CUX1: variants seen among roughly 807,000 people sequenced by gnomAD.
CUX1 encodes the protein cut like homeobox 1, also known as protein CASP.
Under a neutral mutation model 158.8 loss-of-function variants are expected in CUX1, and 31 were observed. That is an observed-to-expected ratio of 0.20 (90% confidence interval 0.15 to 0.26). The LOEUF (loss-of-function observed/expected upper bound fraction) is 0.26, where lower values mean the gene tolerates loss of function less well. Ranked by LOEUF, CUX1 falls within the 10% of genes least tolerant of loss-of-function variation. CUX1 has a pLI of 1.00. For missense variants in CUX1, 1,589 were observed against 2,014.6 expected (o/e 0.79, Z 4.04); for synonymous variants, 879 against 862.1 (o/e 1.02, Z -0.34).
At chr7:102,115,460 C>A in intron 8 of CUX1, 187 bp downstream of exon 8, 1 of 503,582 alleles carries the variant, frequency 2.0e-6, no homozygotes, top group Non-Finnish European at 3.4e-6. Context: ...CAACAAACTT[C>A]TTTCCTTCTT....
intron 8 of CUX1, among the ~76,000 whole-genome samples, chr7:102,157,413 TG>T (rs1220594054): frequency 6.6e-6 from 1 of 151,990 alleles, no homozygotes; most frequent in Non-Finnish European, 1.5e-5. Flanking sequence ...TTGCAGACAT[TG>T]GGGTGGTGGT....
rs1790076640 is a variant in CUX1 at position 102,257,897 on chromosome 7, T to TC, written c.*8856dup. On this transcript the variant is annotated 3_prime_UTR_variant, in exon 24 of 24. Transcript: ENST00000292535. ...AGAAAAAAGGAAAAAAAAAAAGTCG[T>TC]CTTTTTTTTTTTTTTTTGTACAAAT... The TC allele has an allele frequency of 1.0e-6, 1 of 975,500 alleles. No individual in the cohort carries two copies. Among genetic ancestry groups the TC allele is most frequent in the South Asian group, 4.7e-5 (1 of 21,108 alleles). 60.4% of individuals were successfully genotyped at this position (975,500 alleles called of 1,614,324 possible). A position where few individuals can be genotyped will look rare whatever the true frequency, so the allele number is the denominator to read the frequency against.
intron 1 of CUX1, among the ~76,000 whole-genome samples, chr7:101,890,351 A>G (rs1175906101): frequency 1.3e-5 from 2 of 152,036 alleles, no homozygotes; most frequent in Admixed American, 1.3e-4. Flanking sequence ...AGGTGCTAAA[A>G]TCCCCAACCA....
intron 3 of CUX1, among the ~76,000 whole-genome samples, chr7:102,050,692 T>TATC (rs1219485146): frequency 1.3e-5 from 2 of 150,692 alleles, no homozygotes; most frequent in Non-Finnish European, 3.0e-5. Flanking sequence ...TTTTTATTAT[T>TATC]ATTATTATTA....
At chr7:102,024,843 T>C (rs947367717) in intron 2 of CUX1, among the ~76,000 whole-genome samples, 1 of 152,152 alleles carries the variant, frequency 6.6e-6, no homozygotes, top group Non-Finnish European at 1.5e-5. Flanking sequence ...TGAAATGCGG[T>C]GATGTGTTAG....
chr7:101,933,650 T>C (rs1387642163), intron 2 of CUX1, among the ~76,000 whole-genome samples: 3 of 152,234 alleles, frequency 2.0e-5, no homozygotes, highest in Admixed American at 6.5e-5. Context: ...ATTTCTGTTT[T>C]AGTAGGTTTT....
chr7:102,200,400 T>G (rs1554519318), intron 17 of CUX1, among the ~76,000 whole-genome samples: 1 of 152,182 alleles, frequency 6.6e-6, no homozygotes. Context: ...TGGAGTGCAG[T>G]GGCACGATCT....
Position 102,256,149 on chromosome 7 carries a change from C to A in CUX1, c.*7107C>A, listed in dbSNP as rs990517284. ...GCTCTGGCCGGAGCCGCTGGCCTGA[C>A]GAGGCAGGATAGGGAGTATCCGTGA... On this transcript the variant is annotated 3_prime_UTR_variant, in exon 24 of 24. Coordinates refer to ENST00000292535, the MANE Select transcript of CUX1 (RefSeq NM_181552.4). 3 of 985,372 alleles carry A rather than the reference C, an allele frequency of 3.0e-6. No homozygotes were observed. The highest frequency in any genetic ancestry group is 3.6e-6 in the Non-Finnish European group (3 of 829,930). The allele number at this position is 985,372 out of a possible 1,614,324, so 61.0% of individuals were successfully genotyped here. A position where few individuals can be genotyped will look rare whatever the true frequency, so the allele number is the denominator to read the frequency against.
chr7:102,204,638 G>A lies in CUX1; in HGVS notation c.3073+82G>A, dbSNP rs536811904. On this transcript the variant is annotated intron_variant, in intron 19 of 23. Transcript: ENST00000292535. ...ACAGCAGCCCCACCTGGGCTATGCA[G>A]AGAGGGAGGAGGGAACTCCGCCCCA... The A allele has an allele frequency of 2.0e-5, 31 of 1,532,496 alleles. No individual in the cohort carries two copies. The East Asian group carries it at 7.0e-4, about 35-fold the overall frequency. 94.9% of individuals were successfully genotyped at this position (1,532,496 alleles called of 1,614,324 possible).
intron 20 of CUX1, among the ~76,000 whole-genome samples, chr7:102,212,422 G>GC (rs1796635042): frequency 6.6e-6 from 1 of 152,192 alleles, no homozygotes; most frequent in Non-Finnish European, 1.5e-5. Flanking sequence ...CCAGAACTCG[G>GC]CCCCCCAAAG....
intron 12 of CUX1, among the ~76,000 whole-genome samples, chr7:102,191,091 C>G (rs1179773845): frequency 2.6e-5 from 4 of 152,116 alleles, no homozygotes; most frequent in East Asian, 1.9e-4. Context: ...GTCTGCTGGC[C>G]CTGGTAGTCC....
At chr7:101,845,730 G>T (rs1053227215) in intron 1 of CUX1, among the ~76,000 whole-genome samples, 1 of 152,192 alleles carries the variant, frequency 6.6e-6, no homozygotes, top group African/African-American at 2.4e-5. Context: ...AGAAATGCAG[G>T]ATCTGGCCGA....
At chr7:102,033,884 G>A (rs1821094242) in intron 3 of CUX1, among the ~76,000 whole-genome samples, 1 of 152,010 alleles carries the variant, frequency 6.6e-6, no homozygotes, top group Non-Finnish European at 1.5e-5. Context: ...GGTGGCTTAC[G>A]TCTCTAATCT....
chr7:101,869,616 G>A lies in CUX1; in HGVS notation c.31-46499G>A, dbSNP rs753057842. On this transcript the variant is annotated intron_variant, in intron 1 of 23. Coordinates refer to ENST00000292535, the MANE Select transcript of CUX1 (RefSeq NM_181552.4). This position sits in a 1 kb window ranked among gnomAD's most constrained non-coding sequence, Gnocchi z 4.5. The stretch of plus-strand genomic sequence containing the variant: ...GTTAGAAGGTCAGCCAAGGTCAGGC[G>A]GCCAGCAGGGCGGGAGGAGGCGTTG... Among the ~76,000 whole-genome samples the A allele has an allele frequency of 1.1e-4, 16 of 152,116 alleles. No individual in the cohort carries two copies. The highest frequency in any genetic ancestry group is 2.9e-4 in the African/African-American group (12 of 41,416).
Position 101,869,982 on chromosome 7 carries a change from G to A in CUX1, c.31-46133G>A, listed in dbSNP as rs1369238693. Reference sequence around the variant, plus strand: ...CGGCTCCTCGTGCCCCCCCTCTTGTGCCTTCCCTCCCCAGTGCCTTTTCTG... The same window carrying A: ...CGGCTCCTCGTGCCCCCCCTCTTGTACCTTCCCTCCCCAGTGCCTTTTCTG... On this transcript the variant is annotated intron_variant, in intron 1 of 23. Transcript: ENST00000292535. This position sits in a 1 kb window ranked among gnomAD's most constrained non-coding sequence, Gnocchi z 4.5. 6.6e-6 allele frequency among the ~76,000 whole-genome samples: 1 copy of A among 151,308 alleles called. No individual in the cohort carries two copies. Among genetic ancestry groups the A allele is most frequent in the East Asian group, 2.0e-4 (1 of 5,128 alleles).
At chr7:101,862,897 G>A (rs1797606114) in intron 1 of CUX1, among the ~76,000 whole-genome samples, 1 of 119,302 alleles carries the variant, frequency 8.4e-6, no homozygotes, top group Non-Finnish European at 1.7e-5. Context: ...TGCATTTCAT[G>A]TATTTTTTTT....
chr7:101,936,058 G>A (rs1327780455), intron 2 of CUX1, among the ~76,000 whole-genome samples: 1 of 152,212 alleles, frequency 6.6e-6, no homozygotes, highest in Non-Finnish European at 1.5e-5. Context: ...AGGCCCTGAG[G>A]CTGCAGCAGT....
rs1804212126 is a variant in CUX1, at chr7:101,916,372, C to T, written c.141+147C>T. 2 of 580,050 alleles carry T rather than the reference C, an allele frequency of 3.4e-6. No homozygotes were observed. The highest frequency in any genetic ancestry group is 6.4e-6 in the Non-Finnish European group (2 of 311,672). The allele number at this position is 580,050 out of a possible 1,614,324, so 35.9% of individuals were successfully genotyped here. A position where few individuals can be genotyped will look rare whatever the true frequency, so the allele number is the denominator to read the frequency against. Reference sequence around the variant, plus strand: ...TTCTTTCCCCAGATGTCTTCAGCCCCATTTCCAGCAGAACGCATGCCATCC... The same window carrying T: ...TTCTTTCCCCAGATGTCTTCAGCCCTATTTCCAGCAGAACGCATGCCATCC... On this transcript the variant is annotated intron_variant, in intron 2 of 23. Transcript: ENST00000292535. This position sits in a 1 kb window ranked among gnomAD's most constrained non-coding sequence, Gnocchi z 4.4.
intron 1 of CUX1, among the ~76,000 whole-genome samples, chr7:101,877,213 A>C (rs1359836211): frequency 1.3e-5 from 2 of 152,230 alleles, no homozygotes; most frequent in Non-Finnish European, 2.9e-5. Flanking sequence ...GGTTCCAAAA[A>C]CAAAGCATAA....
Sources: allele counts gnomAD v4.1 joint callset (sites outside exome capture counted in the v4.1 genomes callset), GRCh38; gene constraint gnomAD v4.1.1; non-coding constraint Gnocchi (gnomAD v3.1); transcripts MANE v1.5; gene names NCBI Gene and HGNC (gene_info 2026-07-23, HGNC 2026-07-21).